The following PCCA variants were observed in gnomAD, a reference collection of about 807,000 sequenced individuals.
PCCA encodes the protein propionyl-CoA carboxylase subunit alpha.
In PCCA, 74 loss-of-function variants were observed where a neutral mutation model predicts 101.3. The observed-to-expected ratio is 0.73, with a 90% CI of 0.61 to 0.89. The LOEUF (loss-of-function observed/expected upper bound fraction) is 0.89, where lower values mean the gene tolerates loss of function less well. Ranked by LOEUF, PCCA falls within the 40% of genes least tolerant of loss-of-function variation. The probability of loss-of-function intolerance (pLI) is 0.00; values close to 1 mark genes in which losing one functional copy is unlikely to be tolerated. For missense variants in PCCA, 891 were observed against 907.0 expected (o/e 0.98, Z 0.23); for synonymous variants, 294 against 313.6 (o/e 0.94, Z 0.66).
chr13:100,187,855 A>G (rs1396721734), intron 6 of PCCA, among the ~76,000 whole-genome samples: 1 of 152,152 alleles, frequency 6.6e-6, no homozygotes, highest in Non-Finnish European at 1.5e-5. Context: ...CAGCCACCCA[A>G]GCAGTGTACA....
chr13:100,493,059 T>C lies in PCCA; in HGVS notation c.1900-22368T>C, dbSNP rs79279906. Among the ~76,000 whole-genome samples the C allele has an allele frequency of 9.3e-3, 1,416 of 152,254 alleles. 21 individuals carry two copies. Among genetic ancestry groups the C allele is most frequent in the African/African-American group, 0.031 (1,307 of 41,570 alleles). On this transcript the variant is annotated intron_variant, in intron 21 of 23. Transcript: ENST00000376285. ...ACCCTTATTCTCCGCTGAGCTGTTT[T>C]AACACGTAGCCATCCGCAGATGGCA... is the stretch of plus-strand genomic sequence containing the variant.
intron 12 of PCCA, among the ~76,000 whole-genome samples, chr13:100,284,685 A>ACC (rs1433957690): frequency 2.6e-5 from 4 of 152,336 alleles, no homozygotes; most frequent in Non-Finnish European, 5.9e-5. Flanking sequence ...TCTCTCAAGT[A>ACC]CCAGAGGAAG....
intron 20 of PCCA, among the ~76,000 whole-genome samples, chr13:100,443,029 G>A (rs559643368): frequency 4.1e-4 from 63 of 152,218 alleles, no homozygotes; most frequent in African/African-American, 1.1e-3. Flanking sequence ...GTTGTGGAGC[G>A]TTTGGAGGGT....
chr13:100,343,229 A>T (rs1239830314), intron 18 of PCCA, among the ~76,000 whole-genome samples: 1 of 152,170 alleles, frequency 6.6e-6, no homozygotes, highest in East Asian at 1.9e-4. Context: ...ACAATCTAAT[A>T]AAAAACGGGC....
intron 21 of PCCA, among the ~76,000 whole-genome samples, chr13:100,485,668 A>C (rs1372096010): frequency 6.6e-6 from 1 of 152,352 alleles, no homozygotes; most frequent in African/African-American, 2.4e-5. Context: ...ATGGCCAGCC[A>C]TGCAAACCCT....
At chr13:100,252,790 C>G (rs2152550006) in intron 8 of PCCA, among the ~76,000 whole-genome samples, 1 of 152,286 alleles carries the variant, frequency 6.6e-6, no homozygotes, top group African/African-American at 2.4e-5. Flanking sequence ...TAGTCTTTGT[C>G]TTTCTCTCTA....
intron 21 of PCCA, among the ~76,000 whole-genome samples, chr13:100,470,124 A>G (rs551741926): frequency 6.6e-6 from 1 of 152,248 alleles, no homozygotes; most frequent in South Asian, 2.1e-4. Context: ...CCAAAAATAG[A>G]GTGGGCTTCC....
At chr13:100,275,364 T>C (rs577325316) in intron 12 of PCCA, among the ~76,000 whole-genome samples, 1 of 152,198 alleles carries the variant, frequency 6.6e-6, no homozygotes, top group African/African-American at 2.4e-5. Flanking sequence ...TTGAGGTGAG[T>C]TCAGTAGTGG....
At chr13:100,366,992 C>G (rs1199455391) in intron 18 of PCCA, among the ~76,000 whole-genome samples, 2 of 151,894 alleles carry the variant, frequency 1.3e-5, no homozygotes, top group South Asian at 4.2e-4. Flanking sequence ...TACACAGAGA[C>G]TTCTTTTGAA....
At chr13:100,156,411 A>G (rs1285330063) in intron 5 of PCCA, among the ~76,000 whole-genome samples, 1 of 152,208 alleles carries the variant, frequency 6.6e-6, no homozygotes, top group Non-Finnish European at 1.5e-5. Context: ...CTATTTCTGG[A>G]TTATGATACT....
chr13:100,093,953 G>T (rs573828356), intron 1 of PCCA, among the ~76,000 whole-genome samples: 22 of 151,802 alleles, frequency 1.4e-4, no homozygotes, highest in Admixed American at 2.0e-4. Context: ...AAAAGTCTGG[G>T]CACGATGGCT....
At chr13:100,493,234 A>C (rs536061555) in intron 21 of PCCA, among the ~76,000 whole-genome samples, 17 of 152,296 alleles carry the variant, frequency 1.1e-4, no homozygotes, top group South Asian at 2.1e-4. Flanking sequence ...GGCCAAGCAA[A>C]CGAGCTTCAC....
intron 21 of PCCA, among the ~76,000 whole-genome samples, chr13:100,482,920 C>G (rs1203823718): frequency 1.3e-5 from 2 of 152,170 alleles, no homozygotes; most frequent in Non-Finnish European, 2.9e-5. Flanking sequence ...AGTGAAGGTG[C>G]ATACTATTTT....
intron 4 of PCCA, among the ~76,000 whole-genome samples, chr13:100,114,509 A>G (rs535100435): frequency 1.3e-5 from 2 of 152,348 alleles, no homozygotes; most frequent in Admixed American, 6.5e-5. Flanking sequence ...GACTGGGGCA[A>G]GAAGCTTGAA....
rs566810456 is a variant in PCCA, at chr13:100,520,393, A to G, written c.2040+4826A>G. On this transcript the variant is annotated intron_variant, in intron 22 of 23. Coordinates refer to ENST00000376285, the MANE Select transcript of PCCA (RefSeq NM_000282.4). ...CCGGGCGCGGTGGCTCACGCCTGTA[A>G]TCCCAGCACTTTGGGAGGCCGAGGC... 1.2e-4 allele frequency among the ~76,000 whole-genome samples: 18 copies of G among 152,148 alleles called. No homozygotes were observed. The South Asian group carries it at 3.5e-3, about 30-fold the overall frequency.
chr13:100,155,134 T>G, intron 5 of PCCA, 42 bp downstream of exon 5: 1 of 1,227,758 alleles, frequency 8.1e-7, no homozygotes, highest in Non-Finnish European at 1.2e-6. Context: ...GTTTCATATG[T>G]AGTGAGCAGA....
At chr13:100,125,934 A>G (rs950532609) in intron 4 of PCCA, among the ~76,000 whole-genome samples, 4 of 152,214 alleles carry the variant, frequency 2.6e-5, no homozygotes, top group African/African-American at 9.7e-5. Flanking sequence ...ATTTAGCATT[A>G]GCAATGGCTC....
chr13:100,434,067 C>A (rs1156797882), intron 20 of PCCA, among the ~76,000 whole-genome samples: 1 of 152,192 alleles, frequency 6.6e-6, no homozygotes, highest in Non-Finnish European at 1.5e-5. Flanking sequence ...CCTGGCCTCT[C>A]TTGTACTATT....
chr13:100,138,136 GTTTTATTATT>G (rs2051407799), intron 4 of PCCA, among the ~76,000 whole-genome samples: 1 of 151,848 alleles, frequency 6.6e-6, no homozygotes, highest in Admixed American at 6.6e-5. Context: ...TTGGGCTACT[GTTTTATTATT>G]TTGTTTTTCT....
Sources: gnomAD v4.1 joint callset for allele counts (sites outside exome capture counted in the v4.1 genomes callset) on GRCh38, gnomAD v4.1.1 for gene constraint, MANE v1.5 for transcripts, NCBI Gene and HGNC (gene_info 2026-07-23, HGNC 2026-07-21) for gene names.